The following CDKAL1 variants were observed in gnomAD, a reference collection of about 807,000 sequenced individuals.
CDKAL1 encodes the protein threonylcarbamoyladenosine tRNA methylthiotransferase.
CDKAL1 carries 32 observed loss-of-function variants against 68.2 expected under a neutral mutation model. The observed-to-expected ratio is 0.47, with a 90% CI of 0.35 to 0.63. CDKAL1 has a LOEUF of 0.63. Among genes scored for constraint, CDKAL1 ranks in the 30% least tolerant of loss-of-function variants. The pLI is 0.00. For missense variants in CDKAL1, 606 were observed against 696.7 expected, an observed-to-expected ratio of 0.87 and a Z score of 1.47; for synonymous variants, 234 against 244.3, an observed-to-expected ratio of 0.96 and a Z score of 0.39.
chr6:20,765,618 C>G (rs935566183), intron 7 of CDKAL1, among the ~76,000 whole-genome samples: 18 of 152,296 alleles, frequency 1.2e-4, no homozygotes, highest in African/African-American at 4.3e-4. Context: ...TATTCATTCT[C>G]TCTCTCTTAG....
intron 10 of CDKAL1, among the ~76,000 whole-genome samples, chr6:20,962,629 A>G (rs1338903693): frequency 6.6e-6 from 1 of 152,204 alleles, no homozygotes; most frequent in Non-Finnish European, 1.5e-5. Context: ...CAGATTTTCC[A>G]AACTGAACTC....
intron 8 of CDKAL1, among the ~76,000 whole-genome samples, chr6:20,793,790 T>G (rs1317269553): frequency 3.4e-5 from 5 of 147,578 alleles, no homozygotes; most frequent in Non-Finnish European, 6.0e-5. Context: ...ATTTAATTCT[T>G]TCAGATATAT....
chr6:20,699,347 G>A (rs910120921), intron 5 of CDKAL1, among the ~76,000 whole-genome samples: 8 of 151,602 alleles, frequency 5.3e-5, no homozygotes, highest in African/African-American at 1.9e-4. Context: ...TGCTTCTTAA[G>A]CAGTGTAGCA....
chr6:21,202,358 A>C (rs1031667656), intron 15 of CDKAL1, among the ~76,000 whole-genome samples: 4 of 152,158 alleles, frequency 2.6e-5, no homozygotes, highest in African/African-American at 9.7e-5. Context: ...GATAACTCTA[A>C]AACTTGATAA....
intron 9 of CDKAL1, among the ~76,000 whole-genome samples, chr6:20,903,723 C>G (rs1280864903): frequency 6.6e-6 from 1 of 152,210 alleles, no homozygotes; most frequent in African/African-American, 2.4e-5. Flanking sequence ...TATCACGGAG[C>G]AGAGTTGGGC....
intron 8 of CDKAL1, among the ~76,000 whole-genome samples, chr6:20,789,170 A>G (rs1235637120): frequency 6.6e-6 from 1 of 152,026 alleles, no homozygotes; most frequent in Non-Finnish European, 1.5e-5. Context: ...CTGCGTTTTT[A>G]CTCTTTTGTC....
chr6:20,689,185 G>A (rs925446000), intron 5 of CDKAL1, among the ~76,000 whole-genome samples: 2 of 152,162 alleles, frequency 1.3e-5, no homozygotes, highest in Non-Finnish European at 2.9e-5. Flanking sequence ...GGAAGCATGA[G>A]GGGATTTTGC....
At chr6:20,614,297 G>A (rs1766784383) in intron 4 of CDKAL1, among the ~76,000 whole-genome samples, 1 of 152,116 alleles carries the variant, frequency 6.6e-6, no homozygotes, top group Non-Finnish European at 1.5e-5. Context: ...ACTCCAAGGT[G>A]ATGATGGTAA....
chr6:20,682,951 CTTT>C (rs11364854), intron 5 of CDKAL1, among the ~76,000 whole-genome samples: 29 of 126,498 alleles, frequency 2.3e-4, no homozygotes, highest in Admixed American at 3.2e-4. Flanking sequence ...CTTTTTCTTT[CTTT>C]TTTTTTTTTT....
intron 12 of CDKAL1, among the ~76,000 whole-genome samples, chr6:21,095,571 A>AACCCCCCTCCT (rs1243659907): frequency 1.4e-5 from 1 of 73,594 alleles, no homozygotes; most frequent in Non-Finnish European, 2.9e-5. Flanking sequence ...CTTTCCCCCC[A>AACCCCCCTCCT]ACCCCCCTCC....
chr6:20,758,500 T>G (rs1052605253), intron 6 of CDKAL1, 95 bp from the exon 7 acceptor site: 15 of 976,380 alleles, frequency 1.5e-5, no homozygotes, highest in Admixed American at 4.5e-5. Flanking sequence ...TTGATGTGCT[T>G]AGAAAATGTG....
intron 13 of CDKAL1, among the ~76,000 whole-genome samples, chr6:21,192,242 C>T (rs896530893): frequency 1.3e-5 from 2 of 150,166 alleles, no homozygotes; most frequent in Admixed American, 6.6e-5. Context: ...AGGATGGTCT[C>T]GATCTCCTGA....
chr6:20,906,734 AC>A (rs1021253204), intron 9 of CDKAL1, among the ~76,000 whole-genome samples: 18 of 152,210 alleles, frequency 1.2e-4, no homozygotes, highest in African/African-American at 2.4e-4. Context: ...CACAAAAAAA[AC>A]ATCTAAACAC....
chr6:20,671,196 C>G (rs1386983795), intron 5 of CDKAL1, among the ~76,000 whole-genome samples: 1 of 152,122 alleles, frequency 6.6e-6, no homozygotes, highest in East Asian at 1.9e-4. Context: ...TGTTGTCATT[C>G]TTTATAATTT....
At chr6:21,167,686 A>G (rs1319501502) in intron 13 of CDKAL1, among the ~76,000 whole-genome samples, 5 of 152,194 alleles carry the variant, frequency 3.3e-5, no homozygotes, top group Admixed American at 6.5e-5. Context: ...TAAGTGACCA[A>G]AATCTTAACT....
intron 9 of CDKAL1, among the ~76,000 whole-genome samples, chr6:20,937,593 G>A (rs1458135332): frequency 6.6e-6 from 1 of 152,098 alleles, no homozygotes; most frequent in Non-Finnish European, 1.5e-5. Context: ...TCCAATCTGG[G>A]CCAGGTCTCC....
At chr6:20,671,477 A>C (rs1769811865) in intron 5 of CDKAL1, among the ~76,000 whole-genome samples, 1 of 152,232 alleles carries the variant, frequency 6.6e-6, no homozygotes, top group South Asian at 2.1e-4. Context: ...AAATTTATGA[A>C]TCTTTTTCAA....
At chr6:20,859,847 C>T (rs917051876) in intron 9 of CDKAL1, among the ~76,000 whole-genome samples, 8 of 152,192 alleles carry the variant, frequency 5.3e-5, no homozygotes, top group African/African-American at 1.4e-4. Flanking sequence ...CTTTCTCTAA[C>T]TTGCTAGCAT....
chr6:20,822,125 T>C (rs989250296), intron 8 of CDKAL1, among the ~76,000 whole-genome samples: 1 of 152,192 alleles, frequency 6.6e-6, no homozygotes, highest in East Asian at 1.9e-4. Flanking sequence ...AAATATTTAC[T>C]GTCTGGCTCT....
Sources: gnomAD v4.1 joint callset for allele counts (sites outside exome capture counted in the v4.1 genomes callset) on GRCh38, gnomAD v4.1.1 for gene constraint, MANE v1.5 for transcripts, NCBI Gene and HGNC (gene_info 2026-07-23, HGNC 2026-07-21) for gene names.